The following IKZF2 variants were observed in gnomAD, a reference collection of about 807,000 sequenced individuals.
The protein encoded by IKZF2 is zinc finger protein Helios.
In IKZF2, 15 loss-of-function variants were observed where a neutral mutation model predicts 49.2. That is an observed-to-expected ratio of 0.30 (90% CI 0.20 to 0.47). IKZF2 has a LOEUF of 0.47. IKZF2 is among the 20% of genes least tolerant of loss of function. The pLI is 1.00. For missense variants in IKZF2, 567 were observed against 664.6 expected (o/e 0.85, Z 1.61); for synonymous variants, 227 against 221.4 (o/e 1.03, Z -0.23).
intron 6 of IKZF2, among the ~76,000 whole-genome samples, chr2:213,029,563 C>T (rs1698181275): frequency 6.6e-6 from 1 of 151,932 alleles, no homozygotes; most frequent in South Asian, 2.1e-4. Context: ...AGAGGTTTAT[C>T]TATTTTATTG....
rs1468155409 is a variant in IKZF2, at chr2:213,049,351, A to G, written c.574+362T>C. ...AAAAATCAGTTTTCATTTCCTCTAC[A>G]GTAACTCGAAACATAACTGATATTA... is the stretch of plus-strand genomic sequence containing the variant. On this transcript the variant is annotated intron_variant, in intron 6 of 8. Transcript: ENST00000434687. Among the ~76,000 whole-genome samples, 4 of 152,138 alleles carry G rather than the reference A, an allele frequency of 2.6e-5. No individual in the cohort carries two copies. In the East Asian group the frequency reaches 7.7e-4, roughly 29 times the overall value.
At chr2:213,108,449 G>C (rs527421509) in intron 4 of IKZF2, among the ~76,000 whole-genome samples, 1 of 152,078 alleles carries the variant, frequency 6.6e-6, no homozygotes, top group Non-Finnish European at 1.5e-5. Flanking sequence ...TTCTCACTGT[G>C]CCCCACAGTT....
At chr2:213,092,996 T>TTTTATTAATGAAGTCAGAAAGTTTTCTGC in intron 4 of IKZF2, among the ~76,000 whole-genome samples, 2 of 152,190 alleles carry the variant, frequency 1.3e-5, no homozygotes, top group South Asian at 4.1e-4. Flanking sequence ...AGTGGCAGAC[T>TTTTATTAATGAAGTCAGAAAGTTTTCTGC]TCTATTAATG....
At chr2:213,131,114 G>T (rs992838531) in intron 4 of IKZF2, among the ~76,000 whole-genome samples, 3 of 152,044 alleles carry the variant, frequency 2.0e-5, no homozygotes, top group African/African-American at 7.2e-5. Context: ...ATAAAACTGG[G>T]GGAAATATCT....
At chr2:213,058,899 C>T (rs2125398902) in intron 4 of IKZF2, among the ~76,000 whole-genome samples, 1 of 151,998 alleles carries the variant, frequency 6.6e-6, no homozygotes, top group East Asian at 1.9e-4. Flanking sequence ...CAGGCCCTAT[C>T]TCAAAAGCAA....
chr2:213,140,626 A>G (rs2060831676), intron 4 of IKZF2, among the ~76,000 whole-genome samples: 1 of 152,002 alleles, frequency 6.6e-6, no homozygotes, highest in Non-Finnish European at 1.5e-5. Context: ...AACAGAAGTT[A>G]TGATATTAGA....
At chr2:213,045,238 G>A (rs1458358578) in intron 6 of IKZF2, among the ~76,000 whole-genome samples, 1 of 152,170 alleles carries the variant, frequency 6.6e-6, no homozygotes, top group East Asian at 1.9e-4. Flanking sequence ...CTGTTTATTA[G>A]GCTAAGGCAT....
At chr2:213,076,456 TAC>T (rs1431370777) in intron 4 of IKZF2, among the ~76,000 whole-genome samples, 2 of 152,218 alleles carry the variant, frequency 1.3e-5, no homozygotes, top group Non-Finnish European at 2.9e-5. Flanking sequence ...TGGTTTGCGA[TAC>T]AGTTATACTG....
intron 4 of IKZF2, among the ~76,000 whole-genome samples, chr2:213,140,149 T>C (rs1021194114): frequency 1.6e-4 from 25 of 151,888 alleles, no homozygotes; most frequent in African/African-American, 5.6e-4. Context: ...ACAGGAAATC[T>C]CAGAAGAAGT....
chr2:213,100,399 A>C (rs974483851), intron 4 of IKZF2, among the ~76,000 whole-genome samples: 5 of 152,052 alleles, frequency 3.3e-5, no homozygotes, highest in African/African-American at 1.2e-4. Context: ...TTTATAATAA[A>C]ACAAACTAAA....
At chr2:213,141,470 T>C (rs1236030128) in intron 4 of IKZF2, among the ~76,000 whole-genome samples, 3 of 151,988 alleles carry the variant, frequency 2.0e-5, no homozygotes, top group Admixed American at 1.3e-4. Context: ...AAGTCATTCC[T>C]GGCCTCGAAT....
In IKZF2 at chr2:213,007,214, C is replaced by T. The variant is rs1695419195; in HGVS notation, c.*146G>A. The T allele has an allele frequency of 1.2e-6, 1 of 860,142 alleles. No individual in the cohort carries two copies. The highest frequency in any genetic ancestry group is 1.7e-6 in the Non-Finnish European group (1 of 577,474). The allele number at this position is 860,142 out of a possible 1,614,324, so 53.3% of individuals were successfully genotyped here. ...AATTAGGCAGAGCAAATGACACTGC[C>T]TCCACAAAATAAGAATTATCAACAG... is the stretch of plus-strand genomic sequence containing the variant. On this transcript the variant is annotated 3_prime_UTR_variant, in exon 9 of 9. Coordinates refer to ENST00000434687, the MANE Select transcript of IKZF2 (RefSeq NM_001387220.1).
chr2:213,087,959 T>G (rs1027889146), intron 4 of IKZF2, among the ~76,000 whole-genome samples: 2 of 152,252 alleles, frequency 1.3e-5, no homozygotes, highest in African/African-American at 4.8e-5. Context: ...AGTGCCTCAA[T>G]AAACACACGT....
In IKZF2 at chr2:213,013,901, G is replaced by A; in HGVS notation, c.746C>T (p.Pro249Leu). ...CAGAGAAATATTGTTGTCCATAATA[G>A]GCTCTTGTTCCTTACAATCTTCCAT... ...PPMEDCKEQE[P>L]IMDNNISLVP... is the part of the protein sequence containing the mutation. Residue 249 changes from proline (P) to leucine (L), a missense_variant, in exon 8 of 9, where the codon CCT becomes CTT. Coordinates refer to ENST00000434687, the MANE Select transcript of IKZF2 (RefSeq NM_001387220.1). 1.2e-6 allele frequency: 2 copies of A among 1,611,692 alleles called. No individual in the cohort carries two copies. Among genetic ancestry groups the A allele is most frequent in the Non-Finnish European group, 1.7e-6 (2 of 1,178,266 alleles).
chr2:213,094,647 G>A (rs1198103122), intron 4 of IKZF2, among the ~76,000 whole-genome samples: 1 of 152,112 alleles, frequency 6.6e-6, no homozygotes, highest in African/African-American at 2.4e-5. Flanking sequence ...AGGGAGTACA[G>A]GTACTCAATG....
intron 4 of IKZF2, among the ~76,000 whole-genome samples, chr2:213,124,733 T>C (rs2060202378): frequency 6.6e-6 from 1 of 152,216 alleles, no homozygotes; most frequent in Non-Finnish European, 1.5e-5. Context: ...CCAGGTTTCA[T>C]CTTTTCTCAA....
Position 213,049,898 on chromosome 2 carries a change from A to T in IKZF2, c.407-18T>A. On this transcript the variant is annotated intron_variant, in intron 5 of 8. Coordinates refer to ENST00000434687, the MANE Select transcript of IKZF2 (RefSeq NM_001387220.1). ...GCGTTCACCTGCAGTAAGGAGAAGA[A>T]ATGGGAAGTATCAACTAGGGTATGT... 2 of 1,527,252 alleles carry T rather than the reference A, an allele frequency of 1.3e-6. No homozygotes were observed. Among genetic ancestry groups the T allele is most frequent in the Non-Finnish European group, 1.8e-6 (2 of 1,127,780 alleles). 94.6% of individuals were successfully genotyped at this position (1,527,252 alleles called of 1,614,324 possible).
At chr2:213,152,285 C>T (rs1435145237), upstream of IKZF2, 3 of 152,232 alleles carry the variant, frequency 2.0e-5, no homozygotes, top group African/African-American at 7.2e-5. Context: ...CCGGCCGAGT[C>T]GGGGAGTGTG....
chr2:213,147,346 A>AT (rs1211966919), intron 4 of IKZF2: 1 of 438,756 alleles, frequency 2.3e-6, no homozygotes, highest in African/African-American at 2.0e-5. Context: ...AAATTATTTC[A>AT]TTTTTTAACT....
Sources: gnomAD v4.1 joint callset for allele counts (sites outside exome capture counted in the v4.1 genomes callset) on GRCh38, gnomAD v4.1.1 for gene constraint, MANE v1.5 for transcripts, NCBI Gene and HGNC (gene_info 2026-07-23, HGNC 2026-07-21) for gene names.